The following RAC1 variants were observed in gnomAD, a reference collection of about 807,000 sequenced individuals.
RAC1 encodes the protein Rac family small GTPase 1.
A neutral mutation model predicts 25.2 loss-of-function variants in RAC1; 2 were observed. The ratio of observed to expected loss-of-function variants is 0.08; its 90% confidence interval spans 0.03 to 0.25. RAC1 has a LOEUF of 0.25. RAC1 is among the 10% of genes least tolerant of loss of function. The pLI, the probability that RAC1 is intolerant of heterozygous loss-of-function variation, is 1.00. For synonymous variants in RAC1, 88 were observed against 94.0 expected (o/e 0.94, Z 0.37); for missense variants, 50 against 235.7 (o/e 0.21, Z 5.16).
intron 3 of RAC1, among the ~76,000 whole-genome samples, chr7:6,394,331 A>G (rs1783166483): frequency 1.3e-5 from 2 of 152,202 alleles, no homozygotes; most frequent in Admixed American, 1.3e-4. Context: ...TATTTCCCGA[A>G]TTACGTAATC....
At chr7:6,379,377 C>T (rs146704103) in intron 1 of RAC1, among the ~76,000 whole-genome samples, 392 of 149,752 alleles carry the variant, frequency 2.6e-3, no homozygotes, top group African/African-American at 7.8e-3. Context: ...TGGGTTCAAG[C>T]GATTCTCCTG....
chr7:6,381,610 G>A (rs953345517), intron 1 of RAC1, among the ~76,000 whole-genome samples: 12 of 152,062 alleles, frequency 7.9e-5, no homozygotes, highest in African/African-American at 2.9e-4. Flanking sequence ...GCCCAGGCTG[G>A]TCTTGAACTC....
intron 1 of RAC1, among the ~76,000 whole-genome samples, chr7:6,382,154 C>T (rs1162821937): frequency 1.3e-5 from 2 of 152,082 alleles, no homozygotes; most frequent in Admixed American, 1.3e-4. Flanking sequence ...CCACCACACT[C>T]AGCTAATTTT....
intron 4 of RAC1, 29 bp from the exon 5 acceptor site, chr7:6,401,839 C>G: frequency 6.3e-7 from 1 of 1,597,538 alleles, no homozygotes; most frequent in East Asian, 2.3e-5. Flanking sequence ...AGGAGCGTGT[C>G]ACAACCTCTG....
intron 1 of RAC1, among the ~76,000 whole-genome samples, chr7:6,378,403 G>A (rs961390776): frequency 2.0e-5 from 3 of 151,790 alleles, no homozygotes; most frequent in East Asian, 1.9e-4. Context: ...AAAATTAGCC[G>A]GGCGTGGTGG....
chr7:6,386,583 AC>A (rs1782929220), intron 1 of RAC1, among the ~76,000 whole-genome samples: 2 of 152,024 alleles, frequency 1.3e-5, no homozygotes, highest in South Asian at 4.1e-4. Flanking sequence ...GGAGTTCGAG[AC>A]CAGCCTGGCC....
At chr7:6,398,879 G>A (rs1447582635) in intron 3 of RAC1, among the ~76,000 whole-genome samples, 1 of 152,150 alleles carries the variant, frequency 6.6e-6, no homozygotes, top group African/African-American at 2.4e-5. Flanking sequence ...CTTCATTAGA[G>A]TGTGATAGTT....
intron 1 of RAC1, among the ~76,000 whole-genome samples, chr7:6,384,455 A>G (rs1782864851): frequency 6.6e-6 from 1 of 152,196 alleles, no homozygotes; most frequent in Admixed American, 6.5e-5. Flanking sequence ...AGAAGAGGTA[A>G]CGTATTTCCC....
intron 3 of RAC1, among the ~76,000 whole-genome samples, chr7:6,397,314 A>G (rs1033722436): frequency 7.0e-6 from 1 of 142,350 alleles, no homozygotes; most frequent in Non-Finnish European, 1.5e-5. Context: ...TCTCATTTTG[A>G]GACAGGGTCT....
At chr7:6,381,792 C>T (rs1990017758) in intron 1 of RAC1, among the ~76,000 whole-genome samples, 1 of 152,064 alleles carries the variant, frequency 6.6e-6, no homozygotes, top group African/African-American at 2.4e-5. Flanking sequence ...CACTGCACTA[C>T]TCTAGTGGTG....
rs537602505 is a variant in RAC1, at chr7:6,395,069, T to G, written c.225+3028T>G. ...CGGGGTTTCACCATGTTAGCCAGGA[T>G]GGTCTTGATCTCCTGAGCTTGTGAT... On this transcript the variant is annotated intron_variant, in intron 3 of 5. Coordinates refer to ENST00000348035, the MANE Select transcript of RAC1 (RefSeq NM_006908.5). 1.5e-4 allele frequency among the ~76,000 whole-genome samples: 23 copies of G among 152,282 alleles called. No homozygotes were observed. In the South Asian group the frequency reaches 2.5e-3, roughly 16 times the overall value.
chr7:6,384,745 C>T (rs748765079), intron 1 of RAC1, among the ~76,000 whole-genome samples: 1 of 151,956 alleles, frequency 6.6e-6, no homozygotes, highest in African/African-American at 2.4e-5. Flanking sequence ...GGGATTATAG[C>T]CTCCTGTGCT....
intron 1 of RAC1, among the ~76,000 whole-genome samples, chr7:6,378,839 G>C (rs931256958): frequency 8.5e-5 from 13 of 152,126 alleles, no homozygotes; most frequent in African/African-American, 3.1e-4. Context: ...TGTAATCCCA[G>C]AACTTTGGGA....
chr7:6,387,398 T>C (rs1370340361), intron 2 of RAC1, 115 bp downstream of exon 2: 5 of 737,602 alleles, frequency 6.8e-6, no homozygotes, highest in African/African-American at 3.7e-5. Context: ...TACTAATTTT[T>C]TCTTAAACAT....
intron 3 of RAC1, among the ~76,000 whole-genome samples, chr7:6,393,913 A>G (rs983744377): frequency 6.6e-6 from 1 of 152,230 alleles, no homozygotes; most frequent in African/African-American, 2.4e-5. Flanking sequence ...ATGCTCAGAT[A>G]CCAGTGTCTG....
chr7:6,378,477 C>A (rs568908452), intron 1 of RAC1, among the ~76,000 whole-genome samples: 16 of 151,646 alleles, frequency 1.1e-4, no homozygotes, highest in Non-Finnish European at 1.8e-4. Context: ...ACCCGGAAGG[C>A]GGAAGTTGCA....
chr7:6,398,805 T>G, intron 3 of RAC1: 1 of 1,260,652 alleles, frequency 7.9e-7, no homozygotes, highest in Non-Finnish European at 1.1e-6. Context: ...TTATTAAGCC[T>G]CAAGCTCCTT....
chr7:6,398,878 A>C (rs1288056366), intron 3 of RAC1, among the ~76,000 whole-genome samples: 2 of 152,096 alleles, frequency 1.3e-5, no homozygotes, highest in Admixed American at 6.6e-5. Flanking sequence ...ACTTCATTAG[A>C]GTGTGATAGT....
At chr7:6,401,822 T>G in intron 4 of RAC1, 46 bp from the exon 5 acceptor site, 1 of 1,567,418 alleles carries the variant, frequency 6.4e-7, no homozygotes, top group Non-Finnish European at 8.7e-7. Flanking sequence ...GTGAAGGACA[T>G]CTGTAAAGGA....
Sources: gnomAD v4.1 joint callset for allele counts (sites outside exome capture counted in the v4.1 genomes callset) on GRCh38, gnomAD v4.1.1 for gene constraint, MANE v1.5 for transcripts, NCBI Gene and HGNC (gene_info 2026-07-23, HGNC 2026-07-21) for gene names.